Variants in PROSER3 observed in about 807,000 individuals in gnomAD.
The protein encoded by PROSER3 is proline and serine-rich protein 3.
PROSER3 carries 33 observed loss-of-function variants against 50.2 expected under a neutral mutation model. The ratio of observed to expected loss-of-function variants is 0.66; its 90% CI spans 0.50 to 0.88. The LOEUF (loss-of-function observed/expected upper bound fraction) is 0.88. PROSER3 is among the 40% of genes least tolerant of loss of function. PROSER3 has a pLI of 0.00. For synonymous variants in PROSER3, 266 were observed against 259.3 expected (o/e 1.03, Z -0.25); for missense variants, 623 against 612.7 (o/e 1.02, Z -0.18).
chr19:35,767,886 C>A, exon 9 of PROSER3: 1 of 1,613,266 alleles, frequency 6.2e-7, no homozygotes, highest in Non-Finnish European at 8.5e-7. Context: ...TCCCCTGGAG[C>A]CTGCCTGCAG....
exon 1 of PROSER3, chr19:35,758,222 C>G: frequency 1.3e-6 from 2 of 1,562,548 alleles, no homozygotes; most frequent in Non-Finnish European, 1.7e-6. Flanking sequence ...CGGGATGGAC[C>G]GCAGGTGAGG....
At chr19:35,767,660 C>T (rs983915196) in intron 8 of PROSER3, 114 of 1,076,684 alleles carry the variant, frequency 1.1e-4, no homozygotes, top group Non-Finnish European at 1.4e-4. Context: ...AGTGGCAGCT[C>T]GGCTGTTCCC....
At chr19:35,767,774 C>A in intron 8 of PROSER3, 2 of 1,595,402 alleles carry the variant, frequency 1.3e-6, no homozygotes, top group Non-Finnish European at 1.7e-6. Flanking sequence ...GGTCACTCCC[C>A]CTCCATCTGA....
chr19:35,758,367 A>C, intron 1 of PROSER3, 141 bp downstream of exon 1: 5 of 1,183,974 alleles, frequency 4.2e-6, no homozygotes, highest in Non-Finnish European at 5.7e-6. Flanking sequence ...AACATGCTCC[A>C]CAGCCGTTGG....
intron 7 of PROSER3, 30 bp downstream of exon 7, chr19:35,765,206 A>G: frequency 6.2e-7 from 1 of 1,605,832 alleles, no homozygotes; most frequent in Non-Finnish European, 8.5e-7. Flanking sequence ...GACTGAGGGC[A>G]GCCTGGGTGC....
At chr19:35,759,736 G>C (rs563378666) in intron 2 of PROSER3, 53 bp from the exon 3 acceptor site, 1 of 1,477,570 alleles carries the variant, frequency 6.8e-7, no homozygotes, top group South Asian at 1.2e-5. Flanking sequence ...CCCCTGCAGG[G>C]ATGACCCATG....
exon 9 of PROSER3, chr19:35,768,019 G>A (rs1218619275): frequency 1.8e-5 from 28 of 1,584,280 alleles, no homozygotes; most frequent in Non-Finnish European, 2.3e-5. Context: ...ACGCCCCCTC[G>A]GAGGCCCTGC....
chr19:35,766,346 A>G (rs1971140860), intron 7 of PROSER3, among the ~76,000 whole-genome samples: 1 of 152,114 alleles, frequency 6.6e-6, no homozygotes. Context: ...CAGGAGTTTG[A>G]GACCAGCTTG....
intron 1 of PROSER3, 183 bp from the exon 2 acceptor site, chr19:35,759,191 G>A (rs1568407294): frequency 6.8e-6 from 4 of 586,614 alleles, no homozygotes; most frequent in Middle Eastern, 4.5e-4. Context: ...CTCCAGGGGC[G>A]GGCTCCCAGG....
intron 7 of PROSER3, 150 bp from the exon 8 acceptor site, chr19:35,766,618 C>A: frequency 1.7e-6 from 1 of 593,424 alleles, no homozygotes; most frequent in Non-Finnish European, 3.0e-6. Flanking sequence ...CCCTTCCCCT[C>A]TTCCCACCCC....
chr19:35,762,323 C>T (rs1225840699), exon 5 of PROSER3: 1 of 1,609,394 alleles, frequency 6.2e-7, no homozygotes, highest in Non-Finnish European at 8.5e-7. Flanking sequence ...CCAGTGCATC[C>T]CATGCTGTGG....
chr19:35,759,548 G>T, intron 2 of PROSER3, 78 bp downstream of exon 2: 1 of 1,330,962 alleles, frequency 7.5e-7, no homozygotes, highest in South Asian at 1.3e-5. Context: ...GAAGACATGT[G>T]ATGAGAGATA....
rs1381596605 is a variant in PROSER3, at chr19:35,766,632, G to C, written c.770-136G>C. The C allele has an allele frequency of 3.1e-5, 19 of 614,882 alleles. No individual in the cohort carries two copies. The South Asian group carries it at 3.5e-4, about 11-fold the overall frequency. The allele number at this position is 614,882 out of a possible 1,614,324, so 38.1% of individuals were successfully genotyped here. ...CCCCTTCCCCTCTTCCCACCCCAGAGAGGAGCTGGGACAGTATCTGGAGAG... is the reference window on the plus strand; with the variant it reads ...CCCCTTCCCCTCTTCCCACCCCAGACAGGAGCTGGGACAGTATCTGGAGAG... On this transcript the variant is annotated intron_variant, in intron 7 of 10. Transcript: ENST00000396908.
rs1970838188 is a variant in PROSER3, at chr19:35,758,335, C to T, written c.11+109C>T. 7.4e-6 allele frequency: 10 copies of T among 1,352,422 alleles called. No individual in the cohort carries two copies. In the South Asian group the frequency reaches 1.5e-4, roughly 20 times the overall value. The allele number at this position is 1,352,422 out of a possible 1,614,324, so 83.8% of individuals were successfully genotyped here. A position where few individuals can be genotyped will look rare whatever the true frequency, so the allele number is the denominator to read the frequency against. On this transcript the variant is annotated intron_variant, in intron 1 of 10. Transcript: ENST00000396908. The stretch of plus-strand genomic sequence containing the variant: ...ACGGTCTGGAGTCGCTAGGGCTCCA[C>T]CGCACTGGAACTACAATTCCCAACA...
intron 3 of PROSER3, 114 bp from the exon 4 acceptor site, chr19:35,761,905 G>A (rs1392095741): frequency 3.6e-5 from 45 of 1,238,798 alleles, no homozygotes; most frequent in Non-Finnish European, 4.8e-5. Context: ...CAGATATTGA[G>A]GGATAGCTAC....
At chr19:35,765,168 G>C in exon 7 of PROSER3, 8 of 1,613,282 alleles carry the variant, frequency 5.0e-6, no homozygotes, top group Non-Finnish European at 6.8e-6. Context: ...CTTGGCCCCA[G>C]GGCACCCGGT....
Position 35,764,938 on chromosome 19 carries a change from T to G in PROSER3, c.626+2T>G, listed in dbSNP as rs771220660. On this transcript the variant is annotated splice_donor_variant, in intron 6 of 10. Transcript: ENST00000396908. LOFTEE classifies it high-confidence loss of function. ...AGCTGCCAGGCTGCTCAAACGCAGG[T>G]GCCCGCACCCCTGCCCCCATCACCC... 5.0e-6 allele frequency: 8 copies of G among 1,613,412 alleles called. No homozygotes were observed. In the South Asian group the frequency reaches 8.8e-5, roughly 18 times the overall value.
Position 35,758,193 on chromosome 19 carries a change from G to A in PROSER3, c.-23G>A, listed in dbSNP as rs566283212. 8.3e-6 allele frequency: 13 copies of A among 1,558,280 alleles called. No individual in the cohort carries two copies. The African/African-American group carries it at 1.6e-4, about 20-fold the overall frequency. On this transcript the variant is annotated 5_prime_UTR_variant, in exon 1 of 11. Coordinates refer to ENST00000396908, the Ensembl canonical transcript of PROSER3. The stretch of plus-strand genomic sequence containing the variant: ...TGTTGGGTGAAGGAGCAGAGCGGCC[G>A]GAAGCGCGGAGGGAGCCGCGGGATG...
rs757723164 is a variant in PROSER3 at position 35,765,051 on chromosome 19, C to T, written c.644C>T (p.Ser215Phe). The change falls in exon 7 of 11, where the codon TCC becomes TTC. Residue 215 changes from serine to phenylalanine, a missense_variant. Transcript: ENST00000396908. ...CCCTGCAGCAAAGCCTCCATCTCCT[C>T]CTCCTCCTCCCTCAGCCCCAGCGAT... 3.8e-5 allele frequency: 62 copies of T among 1,613,660 alleles called. No homozygotes were observed. In the Middle Eastern group the frequency reaches 6.6e-4, roughly 17 times the overall value.
Sources: allele counts gnomAD v4.1 joint callset (sites outside exome capture counted in the v4.1 genomes callset), GRCh38; gene constraint gnomAD v4.1.1; transcripts MANE v1.5; gene names NCBI Gene and HGNC (gene_info 2026-07-23, HGNC 2026-07-21).